INO80: variants seen among roughly 807,000 people sequenced by gnomAD.
The protein encoded by INO80 is INO80 complex ATPase subunit.
In INO80, 20 loss-of-function variants were observed where a neutral mutation model predicts 203.4. That is an observed-to-expected ratio of 0.10 (90% CI 0.07 to 0.14). The LOEUF is 0.14. Among genes scored for constraint, INO80 ranks in the 10% least tolerant of loss-of-function variants. INO80 has a pLI of 1.00. For missense variants in INO80, 1,419 were observed against 1,914.4 expected (o/e 0.74, Z 4.83); for synonymous variants, 726 against 685.2 (o/e 1.06, Z -0.93).
intron 14 of INO80, among the ~76,000 whole-genome samples, chr15:41,063,495 C>T (rs551721670): frequency 2.0e-5 from 3 of 151,744 alleles, no homozygotes; most frequent in South Asian, 4.2e-4. Flanking sequence ...ACCTTAAGGT[C>T]GGGCACGGTG....
At chr15:41,109,958 G>A (rs2045935583) in intron 1 of INO80, among the ~76,000 whole-genome samples, 1 of 151,034 alleles carries the variant, frequency 6.6e-6, no homozygotes, top group South Asian at 2.1e-4. Context: ...GTCCAGGCGT[G>A]GTGATGGGTG....
At position 41,071,984 on chromosome 15, in the gene INO80, C is replaced by A; in HGVS notation, c.1470G>T (p.Gly490=). 1 of 1,613,546 alleles carries A rather than the reference C, an allele frequency of 6.2e-7. No individual in the cohort carries two copies. Among genetic ancestry groups the A allele is most frequent in the Non-Finnish European group, 8.5e-7 (1 of 1,179,880 alleles). ...ALRAANKSGT[G]FGESYSLANP... is the part of the protein sequence containing the mutation. ...TAGCCAGGCTATAACTCTCCCCAAA[C>A]CCAGTGCCAGACTTGTTTGCTGCCC... The change falls in exon 12 of 36, where the codon GGG becomes GGT. Residue 490 remains glycine (G), a synonymous_variant. Transcript: ENST00000648947.
intron 3 of INO80, 23 bp from the exon 4 acceptor site, chr15:41,095,691 T>A (rs542650293): frequency 1.0e-5 from 16 of 1,606,988 alleles, no homozygotes; most frequent in Middle Eastern, 3.3e-4. Context: ...ACACAAAGAA[T>A]AAAAAAATTA....
intron 24 of INO80, among the ~76,000 whole-genome samples, chr15:41,031,653 G>A (rs2044475178): frequency 6.9e-6 from 1 of 145,260 alleles, no homozygotes; most frequent in African/African-American, 2.6e-5. Flanking sequence ...AGGAAGGGAG[G>A]GAGAATGCCA....
At chr15:40,991,452 C>T (rs74014731) in intron 29 of INO80, among the ~76,000 whole-genome samples, 5,285 of 152,126 alleles carry the variant, frequency 0.035, 253 homozygotes, top group African/African-American at 0.11. Context: ...CAATGCACCA[C>T]TGTGGAACAG....
At chr15:41,038,604 C>A (rs1468788319) in intron 24 of INO80, among the ~76,000 whole-genome samples, 1 of 152,158 alleles carries the variant, frequency 6.6e-6, no homozygotes, top group Non-Finnish European at 1.5e-5. Flanking sequence ...TGAACTCTGG[C>A]TTTTTGAAGT....
At chr15:41,005,550 G>A (rs1255118231) in intron 28 of INO80, 43 bp downstream of exon 28, 3 of 1,044,318 alleles carry the variant, frequency 2.9e-6, no homozygotes, top group South Asian at 1.4e-5. Flanking sequence ...AAGCACTAGA[G>A]GGAAATTAAA....
At chr15:40,984,850 G>A (rs1037884798) in intron 32 of INO80, among the ~76,000 whole-genome samples, 1 of 152,110 alleles carries the variant, frequency 6.6e-6, no homozygotes, top group Non-Finnish European at 1.5e-5. Context: ...CTGTTTTTAA[G>A]ACAAATTTTT....
intron 1 of INO80, among the ~76,000 whole-genome samples, chr15:41,104,547 C>A (rs960978250): frequency 4.0e-5 from 6 of 151,702 alleles, no homozygotes; most frequent in Non-Finnish European, 7.4e-5. Flanking sequence ...CTTTTCTTTT[C>A]TTTTTTTTAA....
intron 28 of INO80, among the ~76,000 whole-genome samples, chr15:41,002,247 T>TA: frequency 1.3e-5 from 2 of 152,334 alleles, no homozygotes; most frequent in Middle Eastern, 3.4e-3. Flanking sequence ...CAAGATTTCC[T>TA]AATAAAATCT....
chr15:41,075,904 C>T (rs956783155), intron 9 of INO80, among the ~76,000 whole-genome samples: 7 of 152,066 alleles, frequency 4.6e-5, no homozygotes, highest in African/African-American at 1.2e-4. Flanking sequence ...GCCACCACAC[C>T]GGCCCTAAAA....
intron 1 of INO80, among the ~76,000 whole-genome samples, chr15:41,113,019 C>T (rs2045980185): frequency 6.8e-6 from 1 of 148,140 alleles, no homozygotes; most frequent in Non-Finnish European, 1.5e-5. Flanking sequence ...GGGCTCAAGC[C>T]ATCCTCTCAC....
At chr15:41,000,992 G>C (rs1460193303) in intron 28 of INO80, among the ~76,000 whole-genome samples, 4 of 152,114 alleles carry the variant, frequency 2.6e-5, no homozygotes, top group Admixed American at 2.0e-4. Context: ...TAAAAAATAA[G>C]AATTGCAGAC....
intron 23 of INO80, among the ~76,000 whole-genome samples, chr15:41,047,099 C>G (rs149398579): frequency 6.6e-6 from 1 of 152,094 alleles, no homozygotes; most frequent in East Asian, 1.9e-4. Context: ...TCCCAAGTAG[C>G]TGGAATTACA....
intron 28 of INO80, among the ~76,000 whole-genome samples, chr15:40,998,274 G>A (rs1029464981): frequency 1.3e-5 from 2 of 152,000 alleles, no homozygotes; most frequent in African/African-American, 4.8e-5. Context: ...GCCCGCCTCG[G>A]CCTCCCAAAG....
At chr15:41,031,002 T>C (rs905107254) in intron 24 of INO80, among the ~76,000 whole-genome samples, 16 of 152,226 alleles carry the variant, frequency 1.1e-4, no homozygotes, top group Admixed American at 9.2e-4. Flanking sequence ...TGGGTTAAAA[T>C]AGTATTCTCA....
intron 14 of INO80, among the ~76,000 whole-genome samples, chr15:41,061,255 GTGCCAC>G (rs771133318): frequency 1.9e-4 from 29 of 151,916 alleles, no homozygotes; most frequent in Non-Finnish European, 4.0e-4. Flanking sequence ...AGCCAAGATT[GTGCCAC>G]TGCACTCCAG....
At position 41,003,671 on chromosome 15, in the gene INO80, G is replaced by A. The variant is rs554979080; in HGVS notation, c.3497+1922C>T. Among the ~76,000 whole-genome samples the A allele has an allele frequency of 3.3e-5, 5 of 152,070 alleles. No homozygotes were observed. The South Asian group carries it at 1.0e-3, about 32-fold the overall frequency. On this transcript the variant is annotated intron_variant, in intron 28 of 35. Coordinates refer to ENST00000648947, the MANE Select transcript of INO80 (RefSeq NM_017553.3). ...AATATTTTTCAAATTTTTCTCAATA[G>A]GCATTTCATTATAATCTATAAAGTC...
intron 27 of INO80, 68 bp downstream of exon 27, chr15:41,016,013 ACATTAGT>A (rs2044202363): frequency 2.4e-6 from 3 of 1,229,950 alleles, no homozygotes; most frequent in African/African-American, 3.0e-5. Context: ...AGCAGGACTA[ACATTAGT>A]CATGGACATC....
Sources: gnomAD v4.1 joint callset for allele counts (sites outside exome capture counted in the v4.1 genomes callset) on GRCh38, gnomAD v4.1.1 for gene constraint, MANE v1.5 for transcripts, NCBI Gene and HGNC (gene_info 2026-07-23, HGNC 2026-07-21) for gene names.